SHANK2: variants seen among roughly 807,000 people sequenced by gnomAD.
The protein encoded by SHANK2 is SH3 and multiple ankyrin repeat domains 2.
Under a neutral mutation model 133.7 loss-of-function variants are expected in SHANK2, and 43 were observed. The observed-to-expected ratio is 0.32, with a 90% CI of 0.25 to 0.41. The LOEUF (loss-of-function observed/expected upper bound fraction) is 0.41, where lower values mean the gene tolerates loss of function less well. Among genes scored for constraint, SHANK2 ranks in the 10% least tolerant of loss-of-function variants. The pLI is 1.00. For missense variants in SHANK2, 1,994 were observed against 2,235.8 expected, an observed-to-expected ratio of 0.89 and a Z score of 2.18; for synonymous variants, 1,017 against 952.8, an observed-to-expected ratio of 1.07 and a Z score of -1.24.
At chr11:70,793,147 A>G (rs1237636184) in intron 14 of SHANK2, among the ~76,000 whole-genome samples, 1 of 152,224 alleles carries the variant, frequency 6.6e-6, no homozygotes, top group Non-Finnish European at 1.5e-5. Context: ...CTACTCATTA[A>G]AAGACATACA....
intron 9 of SHANK2, among the ~76,000 whole-genome samples, chr11:71,065,881 G>C (rs1382313734): frequency 4.6e-4 from 35 of 75,492 alleles, no homozygotes; most frequent in African/African-American, 1.9e-3. Flanking sequence ...GGGGAAGTTG[G>C]GGGGGATACA....
At chr11:71,166,053 C>T (rs1441601173) in intron 2 of SHANK2, among the ~76,000 whole-genome samples, 4 of 152,214 alleles carry the variant, frequency 2.6e-5, no homozygotes. Context: ...AACAAGCACA[C>T]ACTACTGCTC....
intron 2 of SHANK2, among the ~76,000 whole-genome samples, chr11:71,220,951 A>G (rs988556283): frequency 1.3e-5 from 2 of 152,228 alleles, no homozygotes; most frequent in Middle Eastern, 3.2e-3. Flanking sequence ...CTATAATCCC[A>G]GCACTTTGGG....
At chr11:71,150,782 G>A (rs1952781813) in intron 2 of SHANK2, among the ~76,000 whole-genome samples, 1 of 152,018 alleles carries the variant, frequency 6.6e-6, no homozygotes, top group Admixed American at 6.5e-5. Flanking sequence ...TGGAGTGGGT[G>A]GGGGCAGGAA....
At chr11:70,610,102 A>C (rs2060639845) in intron 17 of SHANK2, among the ~76,000 whole-genome samples, 1 of 151,540 alleles carries the variant, frequency 6.6e-6, no homozygotes, top group Admixed American at 6.6e-5. Flanking sequence ...GGGGCGGTTA[A>C]CTAGGTCTCG....
At chr11:71,080,970 G>A (rs1482905387) in intron 8 of SHANK2, among the ~76,000 whole-genome samples, 1 of 152,184 alleles carries the variant, frequency 6.6e-6, no homozygotes, top group African/African-American at 2.4e-5. Flanking sequence ...GGGCTGAATT[G>A]CATCCCTGCA....
At chr11:71,203,853 C>T (rs1193411361) in intron 2 of SHANK2, among the ~76,000 whole-genome samples, 4 of 152,182 alleles carry the variant, frequency 2.6e-5, no homozygotes, top group South Asian at 2.1e-4. Flanking sequence ...GCCCTGGCTC[C>T]GAGGCTCAGG....
At chr11:70,503,987 C>T (rs1183060389) in intron 17 of SHANK2, among the ~76,000 whole-genome samples, 2 of 152,222 alleles carry the variant, frequency 1.3e-5, no homozygotes, top group African/African-American at 4.8e-5. Flanking sequence ...GGGCCTCTGG[C>T]ACCTTCATCC....
chr11:71,246,108 C>T (rs782392189), intron 1 of SHANK2, among the ~76,000 whole-genome samples: 3 of 152,074 alleles, frequency 2.0e-5, no homozygotes, highest in Non-Finnish European at 4.4e-5. Context: ...GGAAGGAATC[C>T]AGGGCAGGAT....
At chr11:70,532,572 GC>G (rs1554973437) in intron 17 of SHANK2, among the ~76,000 whole-genome samples, 1 of 151,878 alleles carries the variant, frequency 6.6e-6, no homozygotes, top group Non-Finnish European at 1.5e-5. Flanking sequence ...GAGGCCCAGA[GC>G]CCCTCTTCCA....
At chr11:71,114,909 G>T (rs1951951290) in intron 4 of SHANK2, among the ~76,000 whole-genome samples, 1 of 152,122 alleles carries the variant, frequency 6.6e-6, no homozygotes, top group African/African-American at 2.4e-5. Flanking sequence ...GCATCTCTGG[G>T]GCAGGAGGGT....
intron 2 of SHANK2, among the ~76,000 whole-genome samples, chr11:71,187,624 G>A (rs74866775): frequency 0.031 from 4,657 of 152,212 alleles, 106 homozygotes; most frequent in African/African-American, 0.063. Context: ...CCCAGGAACC[G>A]TTCTTCATGG....
At chr11:70,856,770 T>C (rs1364950938) in intron 11 of SHANK2, among the ~76,000 whole-genome samples, 2 of 152,112 alleles carry the variant, frequency 1.3e-5, no homozygotes, top group Non-Finnish European at 2.9e-5. Flanking sequence ...ATTTCAAGGA[T>C]CTTACACAGA....
intron 3 of SHANK2, among the ~76,000 whole-genome samples, chr11:71,140,200 T>C (rs1370952134): frequency 6.6e-6 from 1 of 152,218 alleles, no homozygotes; most frequent in Non-Finnish European, 1.5e-5. Context: ...GGGGCTTTGT[T>C]TGTCTTGAAC....
At chr11:70,502,734 C>CGCCG in intron 18 of SHANK2, 62 bp downstream of exon 18, 1 of 679,568 alleles carries the variant, frequency 1.5e-6, no homozygotes, top group Non-Finnish European at 2.2e-6. Flanking sequence ...CTGTCCTGCC[C>CGCCG]GCCCCCACCC....
At chr11:71,157,153 C>T (rs1196244775) in intron 2 of SHANK2, among the ~76,000 whole-genome samples, 1 of 152,040 alleles carries the variant, frequency 6.6e-6, no homozygotes, top group Non-Finnish European at 1.5e-5. Context: ...TATATAAAGA[C>T]ACTGACAGCA....
intron 14 of SHANK2, among the ~76,000 whole-genome samples, chr11:70,774,800 TC>T (rs1471784517): frequency 3.3e-5 from 5 of 152,200 alleles, no homozygotes; most frequent in Non-Finnish European, 5.9e-5. Context: ...AAGGTTGGTG[TC>T]CTGTGTGAAT....
intron 10 of SHANK2, chr11:70,950,002 C>T (rs562778225): frequency 8.8e-6 from 4 of 455,144 alleles, no homozygotes; most frequent in South Asian, 6.2e-5. Flanking sequence ...CTGCTCCCTG[C>T]TGCACAGGTG....
chr11:70,856,524 G>C (rs782337061), intron 11 of SHANK2, among the ~76,000 whole-genome samples: 1 of 152,118 alleles, frequency 6.6e-6, no homozygotes, highest in Non-Finnish European at 1.5e-5. Flanking sequence ...TGGATGGATG[G>C]ATGGGAGGAT....
Sources: gnomAD v4.1 joint callset for allele counts (sites outside exome capture counted in the v4.1 genomes callset) on GRCh38, gnomAD v4.1.1 for gene constraint, MANE v1.5 for transcripts, NCBI Gene and HGNC (gene_info 2026-07-23, HGNC 2026-07-21) for gene names.